RUNDC3B: variants seen among roughly 807,000 people sequenced by gnomAD.
RUNDC3B encodes the protein RUN domain containing 3B.
RUNDC3B carries 33 observed loss-of-function variants against 58.4 expected under a neutral mutation model. That is an observed-to-expected ratio of 0.56 (90% CI 0.43 to 0.75). The LOEUF is 0.75. Among genes scored for constraint, RUNDC3B ranks in the 30% least tolerant of loss-of-function variants. The pLI is 0.00. For missense variants in RUNDC3B, 501 were observed against 535.7 expected, an observed-to-expected ratio of 0.94 and a Z score of 0.64; for synonymous variants, 193 against 195.2, an observed-to-expected ratio of 0.99 and a Z score of 0.10.
At chr7:87,671,783 C>G (rs1316939127) in intron 2 of RUNDC3B, among the ~76,000 whole-genome samples, 1 of 152,142 alleles carries the variant, frequency 6.6e-6, no homozygotes, top group South Asian at 2.1e-4. Flanking sequence ...CTTCAGCCCC[C>G]GGTTGCCTCA....
chr7:87,671,105 A>G (rs747641923), intron 2 of RUNDC3B, among the ~76,000 whole-genome samples: 1 of 152,164 alleles, frequency 6.6e-6, no homozygotes, highest in Middle Eastern at 3.2e-3. Context: ...CCTCAGGGCA[A>G]TCAGACCAGG....
At chr7:87,785,915 G>A (rs373481014) in intron 8 of RUNDC3B, among the ~76,000 whole-genome samples, 8 of 152,224 alleles carry the variant, frequency 5.3e-5, no homozygotes, top group Middle Eastern at 6.8e-3. Flanking sequence ...TAGGATCCCC[G>A]AGGTGTGGTG....
chr7:87,674,030 C>A (rs1450952762), intron 2 of RUNDC3B, among the ~76,000 whole-genome samples: 2 of 152,112 alleles, frequency 1.3e-5, no homozygotes, highest in Admixed American at 6.5e-5. Flanking sequence ...GGAACTGGTA[C>A]CTGGCCCCTG....
At chr7:87,795,716 A>G (rs1835779513) in intron 8 of RUNDC3B, among the ~76,000 whole-genome samples, 4 of 144,570 alleles carry the variant, frequency 2.8e-5, no homozygotes, top group South Asian at 4.3e-4. Flanking sequence ...CGTCTCTACT[A>G]AAAATACAAA....
At chr7:87,744,663 A>G (rs980316889) in intron 6 of RUNDC3B, among the ~76,000 whole-genome samples, 5 of 152,178 alleles carry the variant, frequency 3.3e-5, no homozygotes, top group African/African-American at 1.2e-4. Context: ...TGTGTACATT[A>G]ATATTGTATC....
intron 2 of RUNDC3B, among the ~76,000 whole-genome samples, chr7:87,682,835 A>G (rs1400778462): frequency 6.6e-6 from 1 of 152,194 alleles, no homozygotes; most frequent in East Asian, 1.9e-4. Flanking sequence ...CCCTAATAAG[A>G]GAGTCAGCCT....
At chr7:87,748,558 A>G (rs1336141574) in intron 6 of RUNDC3B, among the ~76,000 whole-genome samples, 3 of 152,212 alleles carry the variant, frequency 2.0e-5, no homozygotes, top group Non-Finnish European at 4.4e-5. Context: ...TGGCAAAGCT[A>G]TAAGCTATTC....
chr7:87,801,154 C>T (rs1013494304), intron 8 of RUNDC3B, among the ~76,000 whole-genome samples: 1 of 152,040 alleles, frequency 6.6e-6, no homozygotes, highest in Non-Finnish European at 1.5e-5. Context: ...TAGGAATGCT[C>T]AAGTTGTATA....
At chr7:87,785,393 C>T (rs917669871) in intron 8 of RUNDC3B, among the ~76,000 whole-genome samples, 4 of 152,126 alleles carry the variant, frequency 2.6e-5, no homozygotes, top group African/African-American at 9.7e-5. Flanking sequence ...TCCCTCCTCA[C>T]TAGAGCTGTA....
At chr7:87,806,472 C>CT (rs1836439388) in intron 8 of RUNDC3B, among the ~76,000 whole-genome samples, 1 of 152,164 alleles carries the variant, frequency 6.6e-6, no homozygotes, top group Non-Finnish European at 1.5e-5. Context: ...AAGCCATGGA[C>CT]TCCTGTTGGA....
At chr7:87,698,030 G>A (rs1279784049) in intron 2 of RUNDC3B, among the ~76,000 whole-genome samples, 2 of 152,148 alleles carry the variant, frequency 1.3e-5, no homozygotes, top group African/African-American at 2.4e-5. Flanking sequence ...AGAAAGTGAT[G>A]GAGAGAGATT....
Position 87,773,198 on chromosome 7 carries a change from C to T in RUNDC3B, c.798+2449C>T, listed in dbSNP as rs898150922. On this transcript the variant is annotated intron_variant, in intron 7 of 10. Coordinates refer to ENST00000394654, the MANE Select transcript of RUNDC3B (RefSeq NM_001134405.2). ...ATTAGCCGGGCATGGTGGCGGGCAC[C>T]TGTAGTCCCAGCTACTCGGGAAGCT... 4.0e-5 allele frequency among the ~76,000 whole-genome samples: 6 copies of T among 151,894 alleles called. No homozygotes were observed. The South Asian group carries it at 8.3e-4, about 21-fold the overall frequency.
Position 87,807,399 on chromosome 7 carries a change from G to C in RUNDC3B, c.983G>C (p.Arg328Thr), listed in dbSNP as rs1233039919. 6.2e-7 allele frequency: 1 copy of C among 1,613,736 alleles called. No individual in the cohort carries two copies. The highest frequency in any genetic ancestry group is 8.5e-7 in the Non-Finnish European group (1 of 1,179,714). Residue 328 changes from arginine to threonine, a missense_variant, in exon 9 of 11, where the codon AGA (arginine) becomes ACA (threonine). By Grantham distance (71) the Arg-to-Thr change is moderately conservative (BLOSUM62 -1). Coordinates refer to ENST00000394654, the MANE Select transcript of RUNDC3B (RefSeq NM_001134405.2). The part of the protein sequence containing the change: ...QLTVLKNNDL[R>T]SRQELTAHLT... ...ACTGTGCTAAAGAATAATGATTTAA[G>C]ATCGAGACAAGAGTTAACTGCCCAT... is the stretch of plus-strand genomic sequence containing the variant.
At chr7:87,680,024 C>A (rs1231972396) in intron 2 of RUNDC3B, among the ~76,000 whole-genome samples, 1 of 150,456 alleles carries the variant, frequency 6.6e-6, no homozygotes, top group Admixed American at 6.6e-5. Flanking sequence ...TATCCCTACC[C>A]TAGCCACCCA....
chr7:87,709,934 T>C (rs1829917495), intron 3 of RUNDC3B, among the ~76,000 whole-genome samples: 1 of 152,204 alleles, frequency 6.6e-6, no homozygotes, highest in African/African-American at 2.4e-5. Context: ...TCTGTTTCTG[T>C]GATTCTGTGC....
At chr7:87,717,464 A>C (rs531671800) in intron 4 of RUNDC3B, among the ~76,000 whole-genome samples, 9 of 152,092 alleles carry the variant, frequency 5.9e-5, no homozygotes, top group Non-Finnish European at 1.3e-4. Context: ...AGAGAGACCA[A>C]TTACTAGCTA....
intron 7 of RUNDC3B, among the ~76,000 whole-genome samples, chr7:87,772,904 A>C (rs1156955570): frequency 6.6e-6 from 1 of 152,066 alleles, no homozygotes; most frequent in African/African-American, 2.4e-5. Flanking sequence ...AAAAAGTTGA[A>C]ACTAGGGGGA....
intron 3 of RUNDC3B, among the ~76,000 whole-genome samples, chr7:87,702,142 C>CAAAAAAAAAAAA (rs146127516): frequency 6.0e-5 from 1 of 16,776 alleles, no homozygotes; most frequent in African/African-American, 1.7e-4. Flanking sequence ...GACTCTGTCT[C>CAAAAAAAAAAAA]AAAAAAAAAA....
At chr7:87,629,038 G>C in intron 1 of RUNDC3B, 93 bp downstream of exon 1, 1 of 1,181,040 alleles carries the variant, frequency 8.5e-7, no homozygotes, top group Non-Finnish European at 1.1e-6. Flanking sequence ...GGGCATGATG[G>C]GCTGCCGCCC....
Sources: allele counts gnomAD v4.1 joint callset (sites outside exome capture counted in the v4.1 genomes callset), GRCh38; gene constraint gnomAD v4.1.1; transcripts MANE v1.5; gene names NCBI Gene and HGNC (gene_info 2026-07-23, HGNC 2026-07-21).